LDLRAP1: variants seen among roughly 807,000 people sequenced by gnomAD.
The protein encoded by LDLRAP1 is low density lipoprotein receptor adapter protein 1.
LDLRAP1 carries 30 observed loss-of-function variants against 37.8 expected under a neutral mutation model. That is an observed-to-expected ratio of 0.79 (90% CI 0.59 to 1.08). The LOEUF (loss-of-function observed/expected upper bound fraction) is 1.08, where lower values mean the gene tolerates loss of function less well. Ranked by LOEUF, LDLRAP1 falls within the 50% of genes least tolerant of loss-of-function variation. The probability of loss-of-function intolerance (pLI) is 0.00; values close to 1 mark genes in which losing one functional copy is unlikely to be tolerated. For missense variants in LDLRAP1, 375 were observed against 401.6 expected (o/e 0.93, Z 0.57); for synonymous variants, 156 against 169.8 (o/e 0.92, Z 0.63).
the LDLRAP1 span, among the ~76,000 whole-genome samples, chr1:25,578,168 GTCTC>G: frequency 6.7e-6 from 1 of 148,864 alleles, no homozygotes; most frequent in African/African-American, 2.5e-5. Flanking sequence ...CTCTCTCTCT[GTCTC>G]TCTCTCCTCA....
downstream of LDLRAP1, among the ~76,000 whole-genome samples, chr1:25,573,796 G>A (rs1474721637): frequency 3.9e-5 from 6 of 152,160 alleles, no homozygotes; most frequent in African/African-American, 4.8e-5. Context: ...TCACACAGGC[G>A]GGGCCTGCTC....
downstream of LDLRAP1, among the ~76,000 whole-genome samples, chr1:25,571,077 G>C (rs2044598604): frequency 6.6e-6 from 1 of 152,140 alleles, no homozygotes; most frequent in African/African-American, 2.4e-5. Flanking sequence ...TGACCCCAGC[G>C]CTCCGGATTT....
Position 25,562,625 on chromosome 1 carries a change from C to G in LDLRAP1, c.460-19C>G, listed in dbSNP as rs1262365401. 1.2e-6 allele frequency: 2 copies of G among 1,612,214 alleles called. No individual in the cohort carries two copies. The highest frequency in any genetic ancestry group is 1.7e-5 in the Admixed American group (1 of 60,024). On this transcript the variant is annotated intron_variant, in intron 4 of 8. Transcript: ENST00000374338. ...TGGCTGACACTGCACCCCTCCCCAT[C>G]CCCACTTCCTGTTTTCAGGCACAGG...
chr1:25,569,214 C>T (rs1301185277), downstream of LDLRAP1, among the ~76,000 whole-genome samples: 6 of 152,206 alleles, frequency 3.9e-5, no homozygotes, highest in Non-Finnish European at 7.3e-5. Context: ...AGGTTGTGTA[C>T]GTGTCCACGT....
At chr1:25,578,965 CTTCTTAAA>C in the LDLRAP1 span, among the ~76,000 whole-genome samples, 98 of 152,286 alleles carry the variant, frequency 6.4e-4, no homozygotes, top group Middle Eastern at 3.4e-3. Context: ...AGAAACATGG[CTTCTTAAA>C]TTTGTTACTT....
intron 1 of LDLRAP1, among the ~76,000 whole-genome samples, chr1:25,548,393 G>A (rs1024257071): frequency 4.9e-5 from 7 of 144,042 alleles, no homozygotes; most frequent in Non-Finnish European, 1.0e-4. Flanking sequence ...TGTTGCCCAG[G>A]CTGGAGTGCA....
the LDLRAP1 span, among the ~76,000 whole-genome samples, chr1:25,588,225 C>T: frequency 2.0e-5 from 3 of 152,090 alleles, no homozygotes; most frequent in African/African-American, 4.8e-5. Flanking sequence ...AATATGGCCT[C>T]GTGGGAAGGG....
the LDLRAP1 span, among the ~76,000 whole-genome samples, chr1:25,589,694 G>C: frequency 1.3e-5 from 2 of 152,078 alleles, no homozygotes; most frequent in African/African-American, 4.8e-5. Context: ...TGGTTTTTTG[G>C]GTCTTCAGAT....
In LDLRAP1 at chr1:25,566,942, G is replaced by C; in HGVS notation, c.877G>C (p.Asp293His). 1 of 1,613,596 alleles carries C rather than the reference G, an allele frequency of 6.2e-7. No individual in the cohort carries two copies. Among genetic ancestry groups the C allele is most frequent in the East Asian group, 2.2e-5 (1 of 44,880 alleles). ...CCAGTGCCTCTCGCCTGTCGACTGG[G>C]ACAAGCCTGACAGCAGCGGCACAGA... The part of the protein sequence containing the change: ...YAQCLSPVDW[D>H]KPDSSGTEQD... Residue 293 changes from aspartate to histidine, a missense_variant, in exon 9 of 9, where the codon GAC (aspartate) becomes CAC (histidine). Transcript: ENST00000374338.
chr1:25,562,801 TG>T, intron 5 of LDLRAP1, 85 bp downstream of exon 5: 6 of 1,202,036 alleles, frequency 5.0e-6, no homozygotes, highest in Non-Finnish European at 7.4e-6. Flanking sequence ...ACCGACTTCC[TG>T]CCTCATCACC....
chr1:25,563,603 G>GGGGGCCAGGACAGCCCAGGGAT lies in LDLRAP1; in HGVS notation c.617-48_617-47insCAGCCCAGGGATGGGGCCAGGA. The GGGGGCCAGGACAGCCCAGGGAT allele has an allele frequency of 3.1e-6, 5 of 1,606,232 alleles. No individual in the cohort carries two copies. The South Asian group carries it at 4.4e-5, about 14-fold the overall frequency. ...GGTCAGGGCCAGGACAGCCCAGGGA[G>GGGGGCCAGGACAGCCCAGGGAT]GGGGCCAGGAAGGAAGAGGCTGATC... is the stretch of plus-strand genomic sequence containing the variant. On this transcript the variant is annotated intron_variant, in intron 6 of 8. Coordinates refer to ENST00000374338, the MANE Select transcript of LDLRAP1 (RefSeq NM_015627.3).
rs1572036928 is a variant in LDLRAP1, at chr1:25,555,866, G to A, written c.344+894G>A. On this transcript the variant is annotated intron_variant, in intron 3 of 8. Coordinates refer to ENST00000374338, the MANE Select transcript of LDLRAP1 (RefSeq NM_015627.3). The surrounding 1 kb of genome is among the most constrained non-coding windows in gnomAD (Gnocchi z 4.7). ...CAATCCTGCTCATTGCCCTCAAGGA[G>A]CTTCCACTCTAGTTGGGTATAGTCG... Among the ~76,000 whole-genome samples, 1 of 152,182 alleles carries A rather than the reference G, an allele frequency of 6.6e-6. No homozygotes were observed. The highest frequency in any genetic ancestry group is 1.5e-5 in the Non-Finnish European group (1 of 68,034).
chr1:25,546,733 G>A (rs2043942567), intron 1 of LDLRAP1, among the ~76,000 whole-genome samples: 1 of 152,222 alleles, frequency 6.6e-6, no homozygotes. Context: ...AGGCAAGGGA[G>A]GGAGGATATA....
At chr1:25,573,930 C>T in the LDLRAP1 span, among the ~76,000 whole-genome samples, 2 of 152,210 alleles carry the variant, frequency 1.3e-5, no homozygotes, top group Non-Finnish European at 2.9e-5. Context: ...TCCCCATCCT[C>T]ATGGAGCTGA....
In LDLRAP1 at chr1:25,557,472, GC is replaced by G. The variant is rs2044234205; in HGVS notation, c.459+206del. 192 of 598,488 alleles carry G rather than the reference GC, an allele frequency of 3.2e-4. 4 individuals carry two copies. The South Asian group carries it at 3.7e-3, about 12-fold the overall frequency. 37.1% of individuals were successfully genotyped at this position (598,488 alleles called of 1,614,324 possible). A position where few individuals can be genotyped will look rare whatever the true frequency, so the allele number is the denominator to read the frequency against. On this transcript the variant is annotated intron_variant, in intron 4 of 8. Transcript: ENST00000374338. ...AGGCAGGCAGGTGAACCGCCGGTCA[GC>G]TTTGTGTGGGCAGTAGCTGGCCCAT... is the stretch of plus-strand genomic sequence containing the variant.
chr1:25,586,232 C>G, the LDLRAP1 span, among the ~76,000 whole-genome samples: 27 of 152,146 alleles, frequency 1.8e-4, no homozygotes, highest in African/African-American at 6.0e-4. The surrounding 1 kb of genome is among the most constrained non-coding windows in gnomAD (Gnocchi z 4.3). Flanking sequence ...AATGGCCAAT[C>G]CAAAGAAGAG....
intron 5 of LDLRAP1, 137 bp downstream of exon 5, chr1:25,562,853 GA>G: frequency 9.6e-6 from 2 of 209,414 alleles, no homozygotes; most frequent in South Asian, 8.7e-5. Flanking sequence ...TCACCGCTCA[GA>G]GTCTCGGTTT....
Position 25,544,369 on chromosome 1 carries a change from C to T in LDLRAP1, c.88+583C>T, listed in dbSNP as rs947971422. Among the ~76,000 whole-genome samples the T allele has an allele frequency of 6.6e-6, 1 of 152,214 alleles. No homozygotes were observed. The highest frequency in any genetic ancestry group is 2.4e-5 in the African/African-American group (1 of 41,468). On this transcript the variant is annotated intron_variant, in intron 1 of 8. Coordinates refer to ENST00000374338, the MANE Select transcript of LDLRAP1 (RefSeq NM_015627.3). This position sits in a 1 kb window ranked among gnomAD's most constrained non-coding sequence, Gnocchi z 4.8. ...ACGTACTTGAAATTGGGAACGAGGC[C>T]CCGCCTGGGGTGCCTCGGGAGAGCC...
intron 1 of LDLRAP1, among the ~76,000 whole-genome samples, chr1:25,552,895 T>C (rs1034369375): frequency 2.6e-5 from 4 of 152,342 alleles, no homozygotes; most frequent in Non-Finnish European, 4.4e-5. Flanking sequence ...TTGTGGACTC[T>C]GTTCTGCACC....
Sources: gnomAD v4.1 joint callset for allele counts (sites outside exome capture counted in the v4.1 genomes callset) on GRCh38, gnomAD v4.1.1 for gene constraint, Gnocchi (gnomAD v3.1) non-coding constraint, MANE v1.5 for transcripts, NCBI Gene and HGNC (gene_info 2026-07-23, HGNC 2026-07-21) for gene names.